The following ABHD14B variants were observed in gnomAD, a reference collection of about 807,000 sequenced individuals.
ABHD14B encodes putative protein-lysine deacylase ABHD14B.
ABHD14B carries 19 observed loss-of-function variants against 15.4 expected under a neutral mutation model. That is an observed-to-expected ratio of 1.23 (90% confidence interval 0.86 to 1.81). The LOEUF is 1.81. ABHD14B is among the 40% of genes most tolerant of loss of function. ABHD14B has a pLI of 0.00. For missense variants in ABHD14B, 243 were observed against 267.0 expected, an observed-to-expected ratio of 0.91 and a Z score of 0.63; for synonymous variants, 92 against 117.3, an observed-to-expected ratio of 0.78 and a Z score of 1.39.
At chr3:51,970,408 A>G (rs1280624421) in intron 2 of ABHD14B, among the ~76,000 whole-genome samples, 2 of 152,120 alleles carry the variant, frequency 1.3e-5, no homozygotes, top group East Asian at 3.9e-4. Context: ...CCCAGCAGTA[A>G]GTGTCCTGGA....
upstream of ABHD14B, chr3:51,974,057 C>G (rs1457845034): frequency 1.6e-6 from 2 of 1,286,878 alleles, no homozygotes; most frequent in Non-Finnish European, 2.0e-6. Context: ...GAGGCCGGGC[C>G]CCATCCAGCG....
At chr3:51,973,524 T>C (rs1700706047) in intron 1 of ABHD14B, among the ~76,000 whole-genome samples, 1 of 150,844 alleles carries the variant, frequency 6.6e-6, no homozygotes, top group African/African-American at 2.4e-5. Context: ...TTTTTCTTTT[T>C]TTTTTTTTTA....
rs774861827 is a variant in ABHD14B, at chr3:51,970,031, G to A, written c.365C>T (p.Thr122Met). ...LSGMYSLPFL[T>M]APGSQLPGFV... ...GCCCGGGAGCTGGGAGCCAGGGGCC[G>A]TGAGGAAGGGCAGGGAGTACATGCC... is the stretch of plus-strand genomic sequence containing the variant. Residue 122 changes from threonine (T) to methionine (M), a missense_variant, in exon 3 of 4, where the codon ACG (threonine) becomes ATG (methionine). Physicochemically the swap from Thr to Met is moderately conservative, Grantham distance 81. Transcript: ENST00000361143. The A allele has an allele frequency of 2.1e-5, 34 of 1,614,000 alleles. No homozygotes were observed. The highest frequency in any genetic ancestry group is 3.3e-5 in the South Asian group (3 of 91,088).
chr3:51,974,326 C>T (rs140723979), upstream of ABHD14B: 1 of 331,370 alleles, frequency 3.0e-6, no homozygotes, highest in Non-Finnish European at 5.9e-6. Context: ...TCCCCCTTAT[C>T]CCCAGCTTGA....
intron 1 of ABHD14B, chr3:51,973,657 A>C (rs1052628937): frequency 1.1e-5 from 4 of 380,042 alleles, no homozygotes; most frequent in Non-Finnish European, 1.5e-5. Context: ...CTGGAACCAC[A>C]GGCGCGCTTC....
Position 51,970,170 on chromosome 3 carries a change from T to TA in ABHD14B, c.225_226insT (p.Lys76Ter), listed in dbSNP as rs778115467. The TA allele has an allele frequency of 6.5e-7, 1 of 1,535,356 alleles. No homozygotes were observed. Among genetic ancestry groups the TA allele is most frequent in the African/African-American group, 1.4e-5 (1 of 72,462 alleles). ...ATAGGGGCAGGGGCTGCTGCTTCCT[T>TA]GGAGTGCCCCAGACCTGCAGGGATT... On this transcript the variant is annotated frameshift_variant, in exon 3 of 4. Transcript: ENST00000361143. LOFTEE classifies it high-confidence loss of function.
chr3:51,969,727 CA>C (rs1309077504), intron 3 of ABHD14B, 122 bp from the exon 4 acceptor site: 1 of 1,426,520 alleles, frequency 7.0e-7, no homozygotes, highest in Non-Finnish European at 9.6e-7. Context: ...CAAGCTGGCC[CA>C]GTGGGTGGGG....
chr3:51,974,293 T>A (rs1045289821), upstream of ABHD14B: 14 of 342,274 alleles, frequency 4.1e-5, no homozygotes, highest in Admixed American at 5.0e-4. Context: ...ATCGCATCCT[T>A]GCTGCTGTCT....
In ABHD14B at chr3:51,973,642, A is replaced by T. The variant is rs558033291; in HGVS notation, c.-29+323T>A. ...CAAGTGATCCTCCCGGCTCACCCCC[A>T]GTAGCTGGAACCACAGGCGCGCTTC... On this transcript the variant is annotated intron_variant, in intron 1 of 3. Coordinates refer to ENST00000361143, the MANE Select transcript of ABHD14B (RefSeq NM_001146314.2). The T allele has an allele frequency of 2.7e-5, 10 of 367,930 alleles. No homozygotes were observed. The East Asian group carries it at 7.3e-4, about 27-fold the overall frequency. The allele number at this position is 367,930 out of a possible 1,614,324, so 22.8% of individuals were successfully genotyped here. A position where few individuals can be genotyped will look rare whatever the true frequency, so the allele number is the denominator to read the frequency against.
intron 3 of ABHD14B, 95 bp from the exon 4 acceptor site, chr3:51,969,700 C>T: frequency 6.7e-7 from 1 of 1,489,398 alleles, no homozygotes; most frequent in Non-Finnish European, 9.2e-7. Context: ...GGGACCACCC[C>T]ATATGAGGGA....
chr3:51,971,682 C>A lies in ABHD14B; in HGVS notation c.-12G>T. On this transcript the variant is annotated 5_prime_UTR_variant, in exon 2 of 4. Coordinates refer to ENST00000361143, the MANE Select transcript of ABHD14B (RefSeq NM_001146314.2). ...ACGCTTGCTGCCATGCCTGCTGCTGCTGTGCTGGTGAAGGGCCTGTGGTTC... is the reference window on the plus strand; with the variant it reads ...ACGCTTGCTGCCATGCCTGCTGCTGATGTGCTGGTGAAGGGCCTGTGGTTC... 6.2e-7 allele frequency: 1 copy of A among 1,609,546 alleles called. No individual in the cohort carries two copies. The highest frequency in any genetic ancestry group is 1.1e-5 in the South Asian group (1 of 90,534).
chr3:51,974,317 C>G (rs180821410), upstream of ABHD14B: 194 of 333,650 alleles, frequency 5.8e-4, 2 homozygotes, highest in East Asian at 7.6e-3. Flanking sequence ...TGCTCCCCAT[C>G]CCCCTTATCC....
At chr3:51,971,310 G>T in intron 2 of ABHD14B, 150 bp downstream of exon 2, 4 of 880,020 alleles carry the variant, frequency 4.5e-6, no homozygotes, top group Non-Finnish European at 5.0e-6. Flanking sequence ...TTGACCAAAC[G>T]CTGTCAAGTT....
chr3:51,972,701 A>G (rs1445307367), intron 1 of ABHD14B, among the ~76,000 whole-genome samples: 1 of 152,138 alleles, frequency 6.6e-6, no homozygotes, highest in Non-Finnish European at 1.5e-5. Context: ...AATGGGGATA[A>G]TTCAATAGTA....
At chr3:51,971,374 G>T in intron 2 of ABHD14B, 86 bp downstream of exon 2, 2 of 1,401,702 alleles carry the variant, frequency 1.4e-6, no homozygotes, top group Non-Finnish European at 1.9e-6. Flanking sequence ...CCCCTGGAGT[G>T]GGGAGGGGCT....
In ABHD14B at chr3:51,971,697, G is replaced by T; in HGVS notation, c.-27C>A. On this transcript the variant is annotated splice_region_variant and 5_prime_UTR_variant, in exon 2 of 4. Coordinates refer to ENST00000361143, the MANE Select transcript of ABHD14B (RefSeq NM_001146314.2). ...CCTGCTGCTGCTGTGCTGGTGAAGG[G>T]CCTGTGGTTCAAAACCACGATGATG... 6.2e-7 allele frequency: 1 copy of T among 1,607,018 alleles called. No homozygotes were observed. Among genetic ancestry groups the T allele is most frequent in the Non-Finnish European group, 8.5e-7 (1 of 1,177,472 alleles).
chr3:51,969,336 G>A lies in ABHD14B; in HGVS notation c.*90C>T. On this transcript the variant is annotated 3_prime_UTR_variant, in exon 4 of 4. Coordinates refer to ENST00000361143, the MANE Select transcript of ABHD14B (RefSeq NM_001146314.2). ...ATAGACAGACGCACCTGTTGCATGTGCATGAGCCAGAGCCTGGGAGAGAAG... is the reference window on the plus strand; with the variant it reads ...ATAGACAGACGCACCTGTTGCATGTACATGAGCCAGAGCCTGGGAGAGAAG... 1 of 1,424,188 alleles carries A rather than the reference G, an allele frequency of 7.0e-7. No individual in the cohort carries two copies. The highest frequency in any genetic ancestry group is 9.5e-7 in the Non-Finnish European group (1 of 1,051,912). 88.2% of individuals were successfully genotyped at this position (1,424,188 alleles called of 1,614,324 possible). A position where few individuals can be genotyped will look rare whatever the true frequency, so the allele number is the denominator to read the frequency against.
rs1577707414 is a variant in ABHD14B at position 51,969,294 on chromosome 3, G to C, written c.*132C>G. ...TAGAAAAGACAAACAGACCACAAAA[G>C]ACAAGAACCCAGACATATAGACAGA... On this transcript the variant is annotated 3_prime_UTR_variant, in exon 4 of 4. Coordinates refer to ENST00000361143, the MANE Select transcript of ABHD14B (RefSeq NM_001146314.2). 9.4e-7 allele frequency: 1 copy of C among 1,063,156 alleles called. No homozygotes were observed. The highest frequency in any genetic ancestry group is 1.4e-6 in the Non-Finnish European group (1 of 739,530). The allele number at this position is 1,063,156 out of a possible 1,614,324, so 65.9% of individuals were successfully genotyped here. A position where few individuals can be genotyped will look rare whatever the true frequency, so the allele number is the denominator to read the frequency against.
Position 51,971,520 on chromosome 3 carries a change from G to C in ABHD14B, c.151C>G (p.Leu51Val). The part of the protein sequence containing the change: ...IRFSSETWQN[L>V]GTLHRLAQAG... Reference sequence around the variant, plus strand: ...TGGGCCAGCCTGTGCAGTGTACCCAGGTTCTGCCAGGTCTCGGAGGAGAAG... The same window carrying C: ...TGGGCCAGCCTGTGCAGTGTACCCACGTTCTGCCAGGTCTCGGAGGAGAAG... The change falls in exon 2 of 4, where the codon CTG becomes GTG. Residue 51 changes from leucine (L) to valine (V), a missense_variant. Transcript: ENST00000361143. 6.2e-7 allele frequency: 1 copy of C among 1,613,190 alleles called. No homozygotes were observed. Among genetic ancestry groups the C allele is most frequent in the Non-Finnish European group, 8.5e-7 (1 of 1,179,566 alleles).
Sources: gnomAD v4.1 joint callset for allele counts (sites outside exome capture counted in the v4.1 genomes callset) on GRCh38, gnomAD v4.1.1 for gene constraint, MANE v1.5 for transcripts, NCBI Gene and HGNC (gene_info 2026-07-23, HGNC 2026-07-21) for gene names.